Variants in ZDHHC22 observed in about 807,000 individuals in gnomAD.
ZDHHC22 encodes the protein palmitoyltransferase ZDHHC22.
In ZDHHC22, 13 loss-of-function variants were observed where a neutral mutation model predicts 17.0. The observed-to-expected ratio is 0.76, with a 90% confidence interval of 0.50 to 1.21. The LOEUF (loss-of-function observed/expected upper bound fraction) is 1.21. ZDHHC22 is among the 50% of genes most tolerant of loss of function. ZDHHC22 has a pLI of 0.00. For synonymous variants in ZDHHC22, 138 were observed against 154.7 expected (o/e 0.89, Z 0.80); for missense variants, 319 against 342.3 (o/e 0.93, Z 0.54).
intron 1 of ZDHHC22, chr14:77,141,202 G>A (rs540506413): frequency 6.6e-6 from 1 of 152,334 alleles, no homozygotes; most frequent in African/African-American, 2.4e-5. Flanking sequence ...CCACCCCAGA[G>A]AGCCCTCGGC....
In ZDHHC22 at chr14:77,132,722, A is replaced by G. The variant is rs1225607095; in HGVS notation, c.*961T>C. On this transcript the variant is annotated 3_prime_UTR_variant, in exon 3 of 3. Transcript: ENST00000319374. ...TTTGTATAGGGCATAAATGAACCCA[A>G]TTGTCCCTCTCACTTCTCCCTTTCC... 1.3e-5 allele frequency: 2 copies of G among 149,848 alleles called. No homozygotes were observed. Among genetic ancestry groups the G allele is most frequent in the Non-Finnish European group, 3.0e-5 (2 of 67,526 alleles). The allele number at this position is 149,848 out of a possible 1,614,324, so 9.3% of individuals were successfully genotyped here.
rs1183673491 is a variant in ZDHHC22 at position 77,132,167 on chromosome 14, T to G, written c.*1516A>C. ...CCCCAGAGGTCTGGTCCTCTAGGTT[T>G]CAGAAAACACACAGCAGTGCCTCCA... is the stretch of plus-strand genomic sequence containing the variant. On this transcript the variant is annotated 3_prime_UTR_variant, in exon 3 of 3. Transcript: ENST00000319374. The G allele has an allele frequency of 1.3e-5, 2 of 152,412 alleles. No individual in the cohort carries two copies. The highest frequency in any genetic ancestry group is 2.9e-5 in the Non-Finnish European group (2 of 68,102). 9.4% of individuals were successfully genotyped at this position (152,412 alleles called of 1,614,324 possible). A position where few individuals can be genotyped will look rare whatever the true frequency, so the allele number is the denominator to read the frequency against.
chr14:77,141,391 C>T (rs1465270717), intron 1 of ZDHHC22: 1 of 152,580 alleles, frequency 6.6e-6, no homozygotes. Context: ...AGAGACCGCC[C>T]GTGGGGCCCC....
At position 77,139,380 on chromosome 14, in the gene ZDHHC22, C is replaced by CTGCCGATGCAGT; in HGVS notation, c.347_358dup (p.Asn116_Gly119dup). 1 of 1,605,528 alleles carries CTGCCGATGCAGT rather than the reference C, an allele frequency of 6.2e-7. No individual in the cohort carries two copies. Among genetic ancestry groups the CTGCCGATGCAGT allele is most frequent in the Non-Finnish European group, 8.5e-7 (1 of 1,176,344 alleles). The stretch of plus-strand genomic sequence containing the variant: ...CAGGACGAAGTTGCGCATGTTCCTG[C>CTGCCGATGCAGT]TGCCGATGCAGTTGCCGGTGAAGAA... On this transcript the variant is annotated inframe_insertion, in exon 2 of 3. Transcript: ENST00000319374.
chr14:77,139,927 C>T (rs1014221663), intron 1 of ZDHHC22, among the ~76,000 whole-genome samples, 175 bp from the exon 2 acceptor site: 8 of 152,182 alleles, frequency 5.3e-5, no homozygotes, highest in Non-Finnish European at 2.9e-5. Flanking sequence ...AGGCCAGAGA[C>T]CCGAGCCCGC....
intron 2 of ZDHHC22, among the ~76,000 whole-genome samples, chr14:77,138,500 G>C (rs1400355945): frequency 6.6e-6 from 1 of 152,156 alleles, no homozygotes; most frequent in Non-Finnish European, 1.5e-5. Flanking sequence ...AGAGGTTACA[G>C]TAAGCAGAGA....
In ZDHHC22 at chr14:77,139,396, C is replaced by T. The variant is rs747719375; in HGVS notation, c.343G>A (p.Gly115Ser). 5.0e-6 allele frequency: 8 copies of T among 1,608,282 alleles called. No individual in the cohort carries two copies. The Admixed American group carries it at 5.1e-5, about 10-fold the overall frequency. Reference sequence around the variant, plus strand: ...ATGTTCCTGCTGCCGATGCAGTTGCCGGTGAAGAAACAGTGATGGTCGTGC... The same window carrying T: ...ATGTTCCTGCTGCCGATGCAGTTGCTGGTGAAGAAACAGTGATGGTCGTGC... ...LRHDHHCFFT[G>S]NCIGSRNMRN... Residue 115 changes from glycine to serine, a missense_variant, in exon 2 of 3, where the codon GGC (glycine) becomes AGC (serine). Gly to Ser is a moderately conservative substitution (Grantham distance 56). Coordinates refer to ENST00000319374, the MANE Select transcript of ZDHHC22 (RefSeq NM_174976.2).
At chr14:77,135,191 G>GGGC (rs770316992) in intron 2 of ZDHHC22, among the ~76,000 whole-genome samples, 1 of 2,622 alleles carries the variant, frequency 3.8e-4, no homozygotes, top group Non-Finnish European at 0.038. Context: ...CTCCTCTGGT[G>GGGC]GGGGGGGGGC....
At position 77,134,081 on chromosome 14, in the gene ZDHHC22, C is replaced by G. The variant is rs141029421; in HGVS notation, c.527-133G>C. ...TTGACGCTACATTTTGTAGCAACCT[C>G]AGCGCTGCAGCTGCAGTGAGGGAGA... On this transcript the variant is annotated intron_variant, in intron 2 of 2. Transcript: ENST00000319374. The G allele has an allele frequency of 2.0e-4, 232 of 1,164,054 alleles. No homozygotes were observed. In the African/African-American group the frequency reaches 3.2e-3, roughly 16 times the overall value. The allele number at this position is 1,164,054 out of a possible 1,614,324, so 72.1% of individuals were successfully genotyped here. A position where few individuals can be genotyped will look rare whatever the true frequency, so the allele number is the denominator to read the frequency against.
At chr14:77,139,092 G>T in intron 2 of ZDHHC22, 121 bp downstream of exon 2, 2 of 1,084,598 alleles carry the variant, frequency 1.8e-6, no homozygotes, top group South Asian at 1.7e-5. Context: ...AATTTAGCGG[G>T]ACGGTCTGTA....
In ZDHHC22 at chr14:77,139,478, A is replaced by G. The variant is rs1456037661; in HGVS notation, c.261T>C (p.Thr87=). ...GACQGASARK[T]PCPSPSTHFC... is the part of the protein sequence containing the mutation. ...AGTGGGTGCTAGGTGAGGGGCATGG[A>G]GTCTTCCTGGCCGAGGCCCCCTGGC... Residue 87 remains threonine (T), a synonymous_variant, in exon 2 of 3, where the codon ACT becomes ACC. Transcript: ENST00000319374. 6.2e-7 allele frequency: 1 copy of G among 1,612,922 alleles called. No individual in the cohort carries two copies. The highest frequency in any genetic ancestry group is 1.1e-5 in the South Asian group (1 of 90,742).
At chr14:77,142,038 C>A (rs948801113), upstream of ZDHHC22, 1 of 152,492 alleles carries the variant, frequency 6.6e-6, no homozygotes, top group African/African-American at 2.4e-5. Context: ...TCGGCTAGGT[C>A]CCACGACCTT....
chr14:77,133,610 G>T lies in ZDHHC22; in HGVS notation c.*73C>A. The T allele has an allele frequency of 3.2e-6, 5 of 1,550,724 alleles. No individual in the cohort carries two copies. Among genetic ancestry groups the T allele is most frequent in the Non-Finnish European group, 4.4e-6 (5 of 1,147,344 alleles). ...AAGGTTGTAGTGAGTCATGGGTGGA[G>T]ACAAGGCTGCCATGGTTTTATGCTC... On this transcript the variant is annotated 3_prime_UTR_variant, in exon 3 of 3. Coordinates refer to ENST00000319374, the MANE Select transcript of ZDHHC22 (RefSeq NM_174976.2).
chr14:77,135,502 C>T (rs1887120094), intron 2 of ZDHHC22, among the ~76,000 whole-genome samples: 1 of 151,488 alleles, frequency 6.6e-6, no homozygotes, highest in Non-Finnish European at 1.5e-5. Flanking sequence ...AAGCTGGGGA[C>T]AGATAGGCCC....
chr14:77,141,112 C>T (rs1461759126), intron 1 of ZDHHC22: 1 of 152,276 alleles, frequency 6.6e-6, no homozygotes, highest in Non-Finnish European at 1.5e-5. Context: ...TGGGGCGCAG[C>T]GCAGTGCACG....
rs765410340 is a variant in ZDHHC22 at position 77,139,703 on chromosome 14, G to C, written c.36C>G (p.Pro12=). Reference sequence around the variant, plus strand: ...CCAGGGAGATGCACAAGAAGTAGGCGGGGGCCACCACGTTGAGCAGCCGCA... The same window carrying C: ...CCAGGGAGATGCACAAGAAGTAGGCCGGGGCCACCACGTTGAGCAGCCGCA... ...LALRLLNVVA[P]AYFLCISLVT... Residue 12 remains proline (P), a synonymous_variant, in exon 2 of 3, where the codon CCC becomes CCG. Transcript: ENST00000319374. 7 of 1,524,538 alleles carry C rather than the reference G, an allele frequency of 4.6e-6. No individual in the cohort carries two copies. The Admixed American group carries it at 1.5e-4, about 33-fold the overall frequency. 94.4% of individuals were successfully genotyped at this position (1,524,538 alleles called of 1,614,324 possible).
intron 2 of ZDHHC22, among the ~76,000 whole-genome samples, chr14:77,136,441 A>G (rs780252423): frequency 4.6e-5 from 7 of 152,186 alleles, no homozygotes; most frequent in Admixed American, 2.0e-4. Flanking sequence ...ACTTTCTGGT[A>G]GCACCCATCA....
chr14:77,133,650 C>G lies in ZDHHC22; in HGVS notation c.*33G>C. The G allele has an allele frequency of 6.3e-7, 1 of 1,589,708 alleles. No homozygotes were observed. On this transcript the variant is annotated 3_prime_UTR_variant, in exon 3 of 3. Transcript: ENST00000319374. ...GTTTTATGCTCAGGAGGAGTCAAGA[C>G]AGAGACAGAGAGATAAATGACGGGA...
intron 2 of ZDHHC22, among the ~76,000 whole-genome samples, chr14:77,134,775 G>C (rs1458419945): frequency 6.6e-6 from 1 of 152,196 alleles, no homozygotes; most frequent in African/African-American, 2.4e-5. Flanking sequence ...GTCCATGCTA[G>C]GTTTGAATCT....
Sources: allele counts gnomAD v4.1 joint callset (sites outside exome capture counted in the v4.1 genomes callset), GRCh38; gene constraint gnomAD v4.1.1; transcripts MANE v1.5; gene names NCBI Gene and HGNC (gene_info 2026-07-23, HGNC 2026-07-21).